GALK2: variants seen among roughly 807,000 people sequenced by gnomAD.
The protein encoded by GALK2 is N-acetylgalactosamine kinase.
Under a neutral mutation model 52.4 loss-of-function variants are expected in GALK2, and 36 were observed. That is an observed-to-expected ratio of 0.69 (90% CI 0.53 to 0.91). The LOEUF (loss-of-function observed/expected upper bound fraction) is 0.91, where lower values mean the gene tolerates loss of function less well. Ranked by LOEUF, GALK2 falls within the 40% of genes least tolerant of loss-of-function variation. The pLI is 0.00. For missense variants in GALK2, 579 were observed against 559.1 expected, an observed-to-expected ratio of 1.04 and a Z score of -0.36; for synonymous variants, 176 against 199.1, an observed-to-expected ratio of 0.88 and a Z score of 0.98.
chr15:49,295,912 T>C (rs1407555019), intron 8 of GALK2, among the ~76,000 whole-genome samples: 1 of 152,192 alleles, frequency 6.6e-6, no homozygotes, highest in Admixed American at 6.5e-5. Flanking sequence ...TTCCTTTCTT[T>C]TAGATTTTTT....
chr15:49,220,058 C>CTTTTTTTTTTTTTT (rs34707025), intron 3 of GALK2, among the ~76,000 whole-genome samples: 4 of 92,750 alleles, frequency 4.3e-5, no homozygotes, highest in Non-Finnish European at 6.5e-5. Flanking sequence ...AGATACAAGT[C>CTTTTTTTTTTTTTT]TTTTTTTTTT....
intron 8 of GALK2, among the ~76,000 whole-genome samples, chr15:49,309,843 T>C (rs1034055834): frequency 6.6e-6 from 1 of 152,090 alleles, no homozygotes; most frequent in African/African-American, 2.4e-5. Context: ...GGTCTCGAAC[T>C]CCCGACCTCA....
intron 2 of GALK2, among the ~76,000 whole-genome samples, chr15:49,210,639 C>T (rs556280961): frequency 6.6e-6 from 1 of 152,030 alleles, no homozygotes; most frequent in East Asian, 1.9e-4. Flanking sequence ...CAGGGTTTCA[C>T]CACGAAGGCC....
rs370069757 is a variant in GALK2 at position 49,163,548 on chromosome 15, T to G, written c.20+7532T>G. Among the ~76,000 whole-genome samples, 8 of 152,250 alleles carry G rather than the reference T, an allele frequency of 5.3e-5. No homozygotes were observed. In the East Asian group the frequency reaches 1.3e-3, roughly 26 times the overall value. ...GGAGGTTCATTAGTTTGCATATGGATGTCAAATTGTTCCAGCATCATTTGT... is the reference window on the plus strand; with the variant it reads ...GGAGGTTCATTAGTTTGCATATGGAGGTCAAATTGTTCCAGCATCATTTGT... On this transcript the variant is annotated intron_variant, in intron 1 of 9. Coordinates refer to the GALK2 transcript ENST00000327171.
Position 49,353,244 on chromosome 15 carries a change from C to T in GALK2, c.427-14247C>T, listed in dbSNP as rs78049853. Among the ~76,000 whole-genome samples, 977 of 152,180 alleles carry T rather than the reference C, an allele frequency of 6.4e-3. 17 individuals carry two copies. The highest frequency in any genetic ancestry group is 0.023 in the African/African-American group (942 of 41,532). ...TGGAGAAGAGGCTCAAATTTGGGCT[C>T]AAATTAGAGTAAAATTTTTTCCTAT... On this transcript the variant is annotated intron_variant, in intron 3 of 3. Transcript: ENST00000558399.
intron 2 of GALK2, among the ~76,000 whole-genome samples, chr15:49,210,131 A>G (rs2088700377): frequency 6.6e-6 from 1 of 151,896 alleles, no homozygotes; most frequent in East Asian, 1.9e-4. Flanking sequence ...ATAGTTGTTC[A>G]CAATAGGCTT....
chr15:49,273,560 CTT>C (rs1166917082), intron 5 of GALK2, among the ~76,000 whole-genome samples: 4 of 143,432 alleles, frequency 2.8e-5, no homozygotes, highest in Admixed American at 7.0e-5. Flanking sequence ...TTAGAACAGG[CTT>C]TTTTTTTTTT....
intron 4 of GALK2, among the ~76,000 whole-genome samples, chr15:49,237,631 C>T (rs771913572): frequency 4.6e-5 from 7 of 151,920 alleles, no homozygotes; most frequent in South Asian, 2.1e-4. Flanking sequence ...TGCCTGCCAC[C>T]GCGCCTGGCT....
intron 5 of GALK2, among the ~76,000 whole-genome samples, chr15:49,277,995 G>A (rs1002573511): frequency 6.6e-6 from 1 of 151,902 alleles, no homozygotes; most frequent in African/African-American, 2.4e-5. Context: ...GGGTGCGGTG[G>A]CTCACGCCTG....
chr15:49,308,563 A>G (rs1390146692), intron 8 of GALK2, among the ~76,000 whole-genome samples: 1 of 152,218 alleles, frequency 6.6e-6, no homozygotes, highest in Admixed American at 6.5e-5. Context: ...TGATAGCTGA[A>G]AACCAATGCT....
chr15:49,311,839 A>G (rs1379022680), intron 8 of GALK2, among the ~76,000 whole-genome samples: 1 of 152,174 alleles, frequency 6.6e-6, no homozygotes, highest in Non-Finnish European at 1.5e-5. Context: ...TAACCCTTCT[A>G]GGGGGAAACA....
At chr15:49,204,842 C>T (rs184920022) in intron 2 of GALK2, among the ~76,000 whole-genome samples, 7 of 152,232 alleles carry the variant, frequency 4.6e-5, no homozygotes, top group East Asian at 1.9e-4. Flanking sequence ...TCTTCTATCC[C>T]GCGCTCCCCT....
At chr15:49,319,007 A>G (rs1432244821) in intron 8 of GALK2, 4 of 435,656 alleles carry the variant, frequency 9.2e-6, no homozygotes, top group African/African-American at 2.1e-5. Flanking sequence ...CTGGAGTGCA[A>G]CGGCGTGATC....
At chr15:49,326,223 G>T (rs1227329287) in intron 9 of GALK2, among the ~76,000 whole-genome samples, 1 of 148,400 alleles carries the variant, frequency 6.7e-6, no homozygotes, top group Non-Finnish European at 1.5e-5. Context: ...ATCTTCCACA[G>T]TAAGAGTTTG....
intron 5 of GALK2, among the ~76,000 whole-genome samples, chr15:49,271,855 T>C (rs2030691834): frequency 6.6e-6 from 1 of 152,200 alleles, no homozygotes; most frequent in African/African-American, 2.4e-5. Context: ...GGGAATTGTG[T>C]TTGGAAATGG....
At chr15:49,172,341 G>A (rs1233547631) in intron 1 of GALK2, among the ~76,000 whole-genome samples, 1 of 152,166 alleles carries the variant, frequency 6.6e-6, no homozygotes, top group Non-Finnish European at 1.5e-5. Flanking sequence ...CCACAGAAGA[G>A]ATCATAGTAG....
At chr15:49,332,479 T>C (rs1047183519), downstream of GALK2, among the ~76,000 whole-genome samples, 4 of 152,154 alleles carry the variant, frequency 2.6e-5, no homozygotes, top group African/African-American at 9.7e-5. Context: ...GAAATATTTA[T>C]GAAGGACTTG....
chr15:49,326,743 A>AT (rs1177389809), intron 9 of GALK2, among the ~76,000 whole-genome samples: 2 of 151,892 alleles, frequency 1.3e-5, no homozygotes, highest in Non-Finnish European at 2.9e-5. Flanking sequence ...GTTTGTAAGC[A>AT]TTTTTTTTCT....
At chr15:49,260,606 A>G (rs941979347) in intron 5 of GALK2, among the ~76,000 whole-genome samples, 51 of 146,972 alleles carry the variant, frequency 3.5e-4, no homozygotes, top group African/African-American at 1.2e-3. Context: ...TTTTGTTGCC[A>G]TTGCTTTTGG....
Sources: allele counts gnomAD v4.1 joint callset (sites outside exome capture counted in the v4.1 genomes callset), GRCh38; gene constraint gnomAD v4.1.1; transcripts MANE v1.5; gene names NCBI Gene and HGNC (gene_info 2026-07-23, HGNC 2026-07-21).